Variants in SLC12A7 observed in about 807,000 individuals in gnomAD.
SLC12A7 encodes K-Cl cotransporter 4.
Under a neutral mutation model 120.6 loss-of-function variants are expected in SLC12A7, and 100 were observed. That is an observed-to-expected ratio of 0.83 (90% CI 0.71 to 0.98). SLC12A7 has a LOEUF of 0.98. Among genes scored for constraint, SLC12A7 ranks in the 50% least tolerant of loss-of-function variants. The probability of loss-of-function intolerance (pLI) is 0.00; values close to 1 mark genes in which losing one functional copy is unlikely to be tolerated. For synonymous variants in SLC12A7, 760 were observed against 678.0 expected, an observed-to-expected ratio of 1.12 and a Z score of -1.88; for missense variants, 1,373 against 1,548.1, an observed-to-expected ratio of 0.89 and a Z score of 1.90.
At chr5:1,059,384 G>A (rs1735951114) in intron 21 of SLC12A7, among the ~76,000 whole-genome samples, 2 of 152,216 alleles carry the variant, frequency 1.3e-5, no homozygotes, top group Non-Finnish European at 2.9e-5. Flanking sequence ...TCCTGCTGAG[G>A]CCAAGGCCCC....
chr5:1,113,870 C>T (rs1743206940), upstream of SLC12A7, among the ~76,000 whole-genome samples: 1 of 152,228 alleles, frequency 6.6e-6, no homozygotes, highest in Non-Finnish European at 1.5e-5. Flanking sequence ...CCCTGGTTGC[C>T]ACCCAGCGCT....
At chr5:1,115,883 A>T (rs906130767), upstream of SLC12A7, among the ~76,000 whole-genome samples, 4 of 151,734 alleles carry the variant, frequency 2.6e-5, no homozygotes, top group Admixed American at 2.6e-4. Context: ...AAGGGAGGAG[A>T]GGGAAGGGAG....
chr5:1,057,446 C>A (rs377292572), intron 22 of SLC12A7, 25 bp downstream of exon 22: 4 of 1,592,724 alleles, frequency 2.5e-6, no homozygotes, highest in South Asian at 2.3e-5. Context: ...TCTGTTCCCC[C>A]CAGGCCACAC....
chr5:1,062,251 A>G (rs933033624), intron 20 of SLC12A7, among the ~76,000 whole-genome samples: 1 of 152,198 alleles, frequency 6.6e-6, no homozygotes, highest in African/African-American at 2.4e-5. Flanking sequence ...GCCCCCTGGC[A>G]GGGCTGGTTC....
chr5:1,060,280 G>T, intron 21 of SLC12A7, 64 bp downstream of exon 21: 1 of 1,246,538 alleles, frequency 8.0e-7, no homozygotes, highest in Non-Finnish European at 1.2e-6. Flanking sequence ...TCCCAGAAAA[G>T]ACTCGGCGAA....
At chr5:1,154,390 C>G in the SLC12A7 span, among the ~76,000 whole-genome samples, 18,305 of 151,228 alleles carry the variant, frequency 0.12, 1,207 homozygotes, top group Admixed American at 0.19. Flanking sequence ...CACACACACA[C>G]AGAGACACAT....
intron 1 of SLC12A7, among the ~76,000 whole-genome samples, chr5:1,095,057 GGTAGGAGGTGGGGC>G (rs1740984306): frequency 7.7e-6 from 1 of 129,628 alleles, no homozygotes; most frequent in African/African-American, 2.6e-5. Flanking sequence ...AGGCGGGGCC[GGTAGGAGGTGGGGC>G]CCGTAGGAGG....
chr5:1,112,929 G>T (rs1229774706), upstream of SLC12A7, among the ~76,000 whole-genome samples: 9 of 127,982 alleles, frequency 7.0e-5, no homozygotes, highest in Non-Finnish European at 9.5e-5. Context: ...CTCCACACCT[G>T]CCCCAGGAGT....
chr5:1,090,253 C>T (rs4975662), intron 3 of SLC12A7, among the ~76,000 whole-genome samples: 57,296 of 152,166 alleles, frequency 0.38, 12,622 homozygotes, highest in Non-Finnish European at 0.51. Context: ...CTGGCCAAGG[C>T]TGGGGCCAGG....
the SLC12A7 span, among the ~76,000 whole-genome samples, chr5:1,153,705 G>T: frequency 6.6e-6 from 1 of 152,184 alleles, no homozygotes; most frequent in East Asian, 1.9e-4. Context: ...CTGACTTGGC[G>T]CTCTAGTTCA....
At chr5:1,088,836 G>T in intron 4 of SLC12A7, 146 bp downstream of exon 4, 2 of 1,000,406 alleles carry the variant, frequency 2.0e-6, no homozygotes, top group Non-Finnish European at 3.0e-6. Context: ...ACGTCTACAC[G>T]GGCGTCTGGG....
chr5:1,053,023 G>A lies in SLC12A7; in HGVS notation c.3160+326C>T, dbSNP rs564685307. ...GCGCAGGGTGGGGCTGAGCCCCAGCGGAGGTCCCAGAATGCACAGCTGCTG... is the reference window on the plus strand; with the variant it reads ...GCGCAGGGTGGGGCTGAGCCCCAGCAGAGGTCCCAGAATGCACAGCTGCTG... On this transcript the variant is annotated intron_variant, in intron 23 of 23. Coordinates refer to ENST00000264930, the MANE Select transcript of SLC12A7 (RefSeq NM_006598.3). Among the ~76,000 whole-genome samples, 9 of 152,330 alleles carry A rather than the reference G, an allele frequency of 5.9e-5. No individual in the cohort carries two copies. In the East Asian group the frequency reaches 1.4e-3, roughly 23 times the overall value.
chr5:1,133,469 GAGCCAT>G, the SLC12A7 span, among the ~76,000 whole-genome samples: 1 of 152,304 alleles, frequency 6.6e-6, no homozygotes, highest in Admixed American at 6.5e-5. Context: ...GGTGGGGGCA[GAGCCAT>G]GAGGTGCCTG....
the SLC12A7 span, among the ~76,000 whole-genome samples, chr5:1,123,355 C>T: frequency 1.3e-5 from 2 of 152,116 alleles, no homozygotes. Context: ...GGGGGCCACT[C>T]CTGGGCCCTT....
Position 1,075,315 on chromosome 5 carries a change from G to A in SLC12A7, c.1967+56C>T. ...CAGGGAGCTGCCCCAGGCATAGCAT[G>A]AGAGGGGCCCGCCCTCCCGTGCGCC... is the stretch of plus-strand genomic sequence containing the variant. On this transcript the variant is annotated intron_variant, in intron 15 of 23. Transcript: ENST00000264930. 1.3e-6 allele frequency: 2 copies of A among 1,578,284 alleles called. 1 individual carries two copies.
the SLC12A7 span, among the ~76,000 whole-genome samples, chr5:1,122,072 G>C: frequency 5.9e-5 from 9 of 152,094 alleles, no homozygotes; most frequent in South Asian, 1.9e-3. Flanking sequence ...CTTGTGCCCC[G>C]GGCCCACGGC....
At chr5:1,059,984 T>C (rs541022987) in intron 21 of SLC12A7, among the ~76,000 whole-genome samples, 2 of 152,378 alleles carry the variant, frequency 1.3e-5, no homozygotes, top group East Asian at 3.9e-4. Flanking sequence ...CAGAGGGCAC[T>C]GCCCTTGGGG....
chr5:1,086,977 C>T lies in SLC12A7; in HGVS notation c.601G>A (p.Val201Ile). 4 of 1,612,876 alleles carry T rather than the reference C, an allele frequency of 2.5e-6. No homozygotes were observed. The highest frequency in any genetic ancestry group is 2.2e-5 in the East Asian group (1 of 44,884). ...GTGCCCAGGTAGAAGCAGAGGCCGA[C>T]AGCGCCTCCAAACTCGGGTCCCAGC... ...RSLGPEFGGAVGLCFYLGTTF... is the reference protein window; with the variant it reads ...RSLGPEFGGAIGLCFYLGTTF... The change falls in exon 6 of 24, where the codon GTC (valine) becomes ATC (isoleucine). Residue 201 changes from valine (V) to isoleucine (I), a missense_variant. Physicochemically the swap from Val to Ile is conservative, Grantham distance 29. Coordinates refer to ENST00000264930, the MANE Select transcript of SLC12A7 (RefSeq NM_006598.3).
Position 1,064,131 on chromosome 5 carries a change from G to A in SLC12A7, c.2559C>T (p.His853=), listed in dbSNP as rs143444431. The A allele has an allele frequency of 6.2e-5, 100 of 1,611,650 alleles. No individual in the cohort carries two copies. The highest frequency in any genetic ancestry group is 3.9e-4 in the African/African-American group (29 of 75,014). The change falls in exon 19 of 24, where the codon CAC becomes CAT. Residue 853 remains histidine, a synonymous_variant. Transcript: ENST00000264930. ...GGHIDVWWIV[H]DGGMLMLLPF... ...GCAGCAGCATGAGCATGCCGCCGTC[G>A]TGCACGATCCACCACACGTCGATGT... is the stretch of plus-strand genomic sequence containing the variant.
Sources: allele counts gnomAD v4.1 joint callset (sites outside exome capture counted in the v4.1 genomes callset), GRCh38; gene constraint gnomAD v4.1.1; transcripts MANE v1.5; gene names NCBI Gene and HGNC (gene_info 2026-07-23, HGNC 2026-07-21).